Variants in SLC10A2 observed in about 807,000 individuals in gnomAD.
The protein encoded by SLC10A2 is solute carrier family 10 member 2, also known as ileal sodium/bile acid cotransporter.
In SLC10A2, 34 loss-of-function variants were observed where a neutral mutation model predicts 27.1. That is an observed-to-expected ratio of 1.26 (90% CI 0.96 to 1.67). SLC10A2 has a LOEUF of 1.67. Ranked by LOEUF, SLC10A2 falls within the 40% of genes most tolerant of loss-of-function variation. The pLI is 0.00. For synonymous variants in SLC10A2, 205 were observed against 174.0 expected, an observed-to-expected ratio of 1.18 and a Z score of -1.40; for missense variants, 530 against 444.4, an observed-to-expected ratio of 1.19 and a Z score of -1.73.
rs41281676 is a variant in SLC10A2 at position 103,044,979 on chromosome 13, G to A, written c.*1154C>T. 3,995 of 152,240 alleles carry A rather than the reference G, an allele frequency of 0.026. 73 individuals carry two copies. Among genetic ancestry groups the A allele is most frequent in the Middle Eastern group, 0.051 (15 of 294 alleles). 9.4% of individuals were successfully genotyped at this position (152,240 alleles called of 1,614,324 possible). ...ATTGAAACAACTTTCCTGGCTGGTG[G>A]GGCCCTTCTGACTTTTGGGCCCTGG... is the stretch of plus-strand genomic sequence containing the variant. On this transcript the variant is annotated 3_prime_UTR_variant, in exon 6 of 6. Coordinates refer to ENST00000245312, the MANE Select transcript of SLC10A2 (RefSeq NM_000452.3).
intron 1 of SLC10A2, among the ~76,000 whole-genome samples, chr13:103,062,678 T>C (rs1337131843): frequency 6.6e-6 from 1 of 152,178 alleles, no homozygotes; most frequent in Non-Finnish European, 1.5e-5. Flanking sequence ...TGAGATTTCT[T>C]GAATATCTAA....
At chr13:103,052,439 C>CCG (rs1555334181) in intron 3 of SLC10A2, among the ~76,000 whole-genome samples, 181 bp downstream of exon 3, 3 of 151,370 alleles carry the variant, frequency 2.0e-5, no homozygotes, top group African/African-American at 7.3e-5. Context: ...TGAGATCCCA[C>CCG]CTCTCTCTCT....
intron 1 of SLC10A2, among the ~76,000 whole-genome samples, chr13:103,063,603 C>A (rs185556231): frequency 5.9e-5 from 9 of 152,216 alleles, no homozygotes; most frequent in African/African-American, 2.2e-4. Flanking sequence ...TCAGGTTTTA[C>A]CCTTTTAATT....
At chr13:103,052,096 ATAGT>A (rs1414972577) in intron 3 of SLC10A2, among the ~76,000 whole-genome samples, 3 of 152,274 alleles carry the variant, frequency 2.0e-5, no homozygotes, top group Non-Finnish European at 4.4e-5. Context: ...TAGCTAGAAT[ATAGT>A]TAGTGAATGG....
chr13:103,057,430 A>T (rs1416160066), intron 2 of SLC10A2, among the ~76,000 whole-genome samples: 1 of 151,716 alleles, frequency 6.6e-6, no homozygotes, highest in Non-Finnish European at 1.5e-5. Context: ...AGTAAATTTG[A>T]CTCCTGGAGC....
intron 2 of SLC10A2, among the ~76,000 whole-genome samples, chr13:103,054,636 C>A (rs988319877): frequency 9.2e-5 from 14 of 152,108 alleles, no homozygotes; most frequent in Non-Finnish European, 2.1e-4. Flanking sequence ...CCCAAGCCAA[C>A]GGGATAACAC....
At chr13:103,065,337 A>G (rs1250234741) in intron 1 of SLC10A2, among the ~76,000 whole-genome samples, 2 of 152,210 alleles carry the variant, frequency 1.3e-5, no homozygotes, top group African/African-American at 4.8e-5. Flanking sequence ...TTTTAATGCC[A>G]GTAGAGGTGA....
chr13:103,046,315 T>C (rs1875610552), intron 5 of SLC10A2, 55 bp from the exon 6 acceptor site: 2 of 1,398,244 alleles, frequency 1.4e-6, no homozygotes, highest in Non-Finnish European at 2.0e-6. Flanking sequence ...AACTGCAAAA[T>C]TACTTTGCAT....
chr13:103,053,842 G>T (rs1462366955), intron 2 of SLC10A2, among the ~76,000 whole-genome samples: 3 of 145,408 alleles, frequency 2.1e-5, no homozygotes. Context: ...AATGACTAAG[G>T]GTACTAAGAG....
chr13:103,065,858 T>A lies in SLC10A2; in HGVS notation c.377+15A>T, dbSNP rs550614486. 37 of 1,613,708 alleles carry A rather than the reference T, an allele frequency of 2.3e-5. No homozygotes were observed. In the African/African-American group the frequency reaches 4.3e-4, roughly 19 times the overall value. Reference sequence around the variant, plus strand: ...CCAAGGTGATTGCAGTAGTTAGAGGTATAGATAATCTTACCTCAGGTCCAT... The same window carrying A: ...CCAAGGTGATTGCAGTAGTTAGAGGAATAGATAATCTTACCTCAGGTCCAT... On this transcript the variant is annotated intron_variant, in intron 1 of 5. Coordinates refer to ENST00000245312, the MANE Select transcript of SLC10A2 (RefSeq NM_000452.3).
At chr13:103,050,317 T>G (rs1875740115) in intron 4 of SLC10A2, among the ~76,000 whole-genome samples, 1 of 152,162 alleles carries the variant, frequency 6.6e-6, no homozygotes, top group South Asian at 2.1e-4. Context: ...TCTGCCTGAC[T>G]CAAACACTGC....
chr13:103,048,207 G>A (rs983026317), intron 5 of SLC10A2, among the ~76,000 whole-genome samples: 8 of 151,940 alleles, frequency 5.3e-5, no homozygotes, highest in South Asian at 2.1e-4. Flanking sequence ...TGCCCGCCTC[G>A]GAACCCCGTC....
At chr13:103,054,153 G>A (rs905172854) in intron 2 of SLC10A2, among the ~76,000 whole-genome samples, 1 of 152,082 alleles carries the variant, frequency 6.6e-6, no homozygotes, top group South Asian at 2.1e-4. Flanking sequence ...TCTTGTGATA[G>A]TGAGTTCTCA....
intron 1 of SLC10A2, among the ~76,000 whole-genome samples, chr13:103,060,154 G>A (rs1056596930): frequency 3.9e-5 from 6 of 152,106 alleles, no homozygotes; most frequent in African/African-American, 1.4e-4. Context: ...TCTTCAAAGG[G>A]ATCTGTACAC....
rs546100648 is a variant in SLC10A2, at chr13:103,060,195, C to T, written c.378-1813G>A. Among the ~76,000 whole-genome samples, 3 of 152,258 alleles carry T rather than the reference C, an allele frequency of 2.0e-5. No individual in the cohort carries two copies. The East Asian group carries it at 5.8e-4, about 29-fold the overall frequency. ...ACATTCTCTGCCTTTAAAGCCTGAG[C>T]TCTAAAGCCACACACTGTCTGGGCT... On this transcript the variant is annotated intron_variant, in intron 1 of 5. Coordinates refer to ENST00000245312, the MANE Select transcript of SLC10A2 (RefSeq NM_000452.3).
intron 2 of SLC10A2, among the ~76,000 whole-genome samples, chr13:103,054,952 T>C (rs1010170953): frequency 2.0e-5 from 3 of 152,160 alleles, no homozygotes; most frequent in African/African-American, 7.2e-5. Context: ...TGGTTACACA[T>C]TGAATCCATA....
intron 2 of SLC10A2, among the ~76,000 whole-genome samples, chr13:103,054,140 T>G (rs1875871496): frequency 6.6e-6 from 1 of 152,046 alleles, no homozygotes; most frequent in Non-Finnish European, 1.5e-5. Flanking sequence ...TCCCCCTTGT[T>G]GTTCTTGTGA....
At chr13:103,053,410 T>C (rs1351036454) in intron 2 of SLC10A2, among the ~76,000 whole-genome samples, 1 of 152,196 alleles carries the variant, frequency 6.6e-6, no homozygotes, top group Non-Finnish European at 1.5e-5. Context: ...CATGCTCACC[T>C]GGCCAGATAA....
In SLC10A2 at chr13:103,056,583, C is replaced by T. The variant is rs527503957; in HGVS notation, c.496+1681G>A. On this transcript the variant is annotated intron_variant, in intron 2 of 5. Coordinates refer to ENST00000245312, the MANE Select transcript of SLC10A2 (RefSeq NM_000452.3). ...AGTGAGTATTGTGGAATCAAAATTCCTCACTCAGCAGACAGGTTCTTTGAG... is the reference window on the plus strand; with the variant it reads ...AGTGAGTATTGTGGAATCAAAATTCTTCACTCAGCAGACAGGTTCTTTGAG... Among the ~76,000 whole-genome samples the T allele has an allele frequency of 3.3e-5, 5 of 152,102 alleles. No individual in the cohort carries two copies. In the South Asian group the frequency reaches 8.3e-4, roughly 25 times the overall value.
Sources: gnomAD v4.1 joint callset for allele counts (sites outside exome capture counted in the v4.1 genomes callset) on GRCh38, gnomAD v4.1.1 for gene constraint, MANE v1.5 for transcripts, NCBI Gene and HGNC (gene_info 2026-07-23, HGNC 2026-07-21) for gene names.